CSMD1: variants seen among roughly 807,000 people sequenced by gnomAD.
CSMD1 encodes the protein CUB and Sushi multiple domains 1.
A neutral mutation model predicts 417.5 loss-of-function variants in CSMD1; 213 were observed. The observed-to-expected ratio is 0.51, with a 90% CI of 0.46 to 0.57. The LOEUF (loss-of-function observed/expected upper bound fraction) is 0.57, where lower values mean the gene tolerates loss of function less well. Among genes scored for constraint, CSMD1 ranks in the 20% least tolerant of loss-of-function variants. The pLI, the probability that CSMD1 is intolerant of heterozygous loss-of-function variation, is 0.00. For missense variants in CSMD1, 6,923 were observed against 4,529.7 expected (o/e 1.53, Z -15.17); for synonymous variants, 2,862 against 1,736.8 (o/e 1.65, Z -16.11).
intron 3 of CSMD1, among the ~76,000 whole-genome samples, chr8:4,088,373 T>C (rs1031085133): frequency 1.3e-5 from 2 of 152,232 alleles, no homozygotes; most frequent in African/African-American, 2.4e-5. Context: ...GTCTTACTTT[T>C]GCGGGAAAGA....
chr8:3,828,777 C>A lies in CSMD1; in HGVS notation c.819-74735G>T, dbSNP rs145071215. ...CATCAGTGAGGTCCTGTCACTTCCT[C>A]CCAAGCATCCTTCCACTGCACCTCA... On this transcript the variant is annotated intron_variant, in intron 5 of 69. Coordinates refer to ENST00000635120, the MANE Select transcript of CSMD1 (RefSeq NM_033225.6). Among the ~76,000 whole-genome samples the A allele has an allele frequency of 4.8e-4, 73 of 152,242 alleles. No homozygotes were observed. The East Asian group carries it at 0.014, about 29-fold the overall frequency.
chr8:3,851,786 C>A (rs1244774451), intron 5 of CSMD1, among the ~76,000 whole-genome samples: 2 of 152,092 alleles, frequency 1.3e-5, no homozygotes, highest in Admixed American at 1.3e-4. Flanking sequence ...GACCACAAGT[C>A]AGGTGTGAGT....
chr8:3,660,908 C>G (rs73661612), intron 7 of CSMD1, among the ~76,000 whole-genome samples: 3 of 152,090 alleles, frequency 2.0e-5, no homozygotes, highest in Non-Finnish European at 2.9e-5. Context: ...CACAGCTGCT[C>G]CCAATTCATA....
At chr8:4,886,996 AT>A (rs1803789866) in intron 1 of CSMD1, among the ~76,000 whole-genome samples, 2 of 151,912 alleles carry the variant, frequency 1.3e-5, no homozygotes, top group African/African-American at 4.8e-5. Context: ...CAACTCTTAT[AT>A]ATTTCCTTCC....
chr8:3,590,754 C>A (rs1424344704), intron 8 of CSMD1, among the ~76,000 whole-genome samples: 1 of 152,138 alleles, frequency 6.6e-6, no homozygotes, highest in Non-Finnish European at 1.5e-5. Context: ...TCCAGCAGCA[C>A]AGCCGAGGAG....
chr8:3,436,435 C>T (rs1044881116), intron 12 of CSMD1, among the ~76,000 whole-genome samples: 1 of 152,118 alleles, frequency 6.6e-6, no homozygotes, highest in Non-Finnish European at 1.5e-5. Flanking sequence ...CCAGTTGCTA[C>T]TTACGTAATC....
chr8:3,856,558 A>C (rs1804327144), intron 5 of CSMD1, among the ~76,000 whole-genome samples: 1 of 152,188 alleles, frequency 6.6e-6, no homozygotes, highest in Non-Finnish European at 1.5e-5. Flanking sequence ...ATCATGCGGC[A>C]CTGGGGCCTG....
chr8:4,213,537 C>G (rs1373593682), intron 3 of CSMD1, among the ~76,000 whole-genome samples: 2 of 152,340 alleles, frequency 1.3e-5, no homozygotes, highest in East Asian at 3.9e-4. Context: ...AAATGACAGA[C>G]ACACAACGTC....
At chr8:4,445,584 G>A (rs1032777494) in intron 2 of CSMD1, among the ~76,000 whole-genome samples, 1 of 152,124 alleles carries the variant, frequency 6.6e-6, no homozygotes, top group African/African-American at 2.4e-5. Context: ...TAATACGCTG[G>A]TGTTTAAGAA....
At chr8:4,673,410 C>G (rs938039336) in intron 1 of CSMD1, among the ~76,000 whole-genome samples, 71 of 152,110 alleles carry the variant, frequency 4.7e-4, no homozygotes, top group African/African-American at 1.6e-3. Context: ...AAGGATTATC[C>G]TCCTTTCCAA....
At chr8:3,845,049 C>A (rs568500554) in intron 5 of CSMD1, among the ~76,000 whole-genome samples, 3 of 152,196 alleles carry the variant, frequency 2.0e-5, no homozygotes, top group Admixed American at 6.5e-5. Flanking sequence ...ATAAAGGTCT[C>A]CTGTGATTAG....
At chr8:3,793,607 C>G (rs144837806) in intron 5 of CSMD1, among the ~76,000 whole-genome samples, 20 of 152,200 alleles carry the variant, frequency 1.3e-4, no homozygotes, top group Middle Eastern at 6.8e-3. Context: ...TTGCAGTAAA[C>G]CTTCCCAAAT....
intron 3 of CSMD1, among the ~76,000 whole-genome samples, chr8:4,307,179 A>T (rs1166574026): frequency 1.3e-5 from 2 of 152,080 alleles, no homozygotes; most frequent in East Asian, 1.9e-4. Flanking sequence ...GGCTCCATTT[A>T]ATACTGTATC....
intron 1 of CSMD1, among the ~76,000 whole-genome samples, chr8:4,915,085 G>A (rs975049097): frequency 7.9e-5 from 12 of 152,176 alleles, no homozygotes; most frequent in African/African-American, 2.2e-4. Context: ...TTTCTCAGAT[G>A]TAATATGGTC....
intron 3 of CSMD1, among the ~76,000 whole-genome samples, chr8:4,168,772 T>A (rs1022069402): frequency 1.3e-5 from 2 of 152,170 alleles, no homozygotes; most frequent in Non-Finnish European, 2.9e-5. Flanking sequence ...TTCTTTTCCT[T>A]ACAATAAAAC....
At chr8:4,352,204 C>A (rs939231293) in intron 3 of CSMD1, among the ~76,000 whole-genome samples, 1 of 152,122 alleles carries the variant, frequency 6.6e-6, no homozygotes, top group African/African-American at 2.4e-5. Flanking sequence ...AATAAGCAAG[C>A]CCCACTTAGA....
intron 1 of CSMD1, among the ~76,000 whole-genome samples, chr8:4,852,761 A>C (rs1193141125): frequency 6.6e-6 from 1 of 152,040 alleles, no homozygotes; most frequent in African/African-American, 2.4e-5. Flanking sequence ...GCTGATAGAA[A>C]TGTGGACAGT....
At chr8:3,035,173 G>C (rs532225683) in intron 50 of CSMD1, among the ~76,000 whole-genome samples, 20 of 152,064 alleles carry the variant, frequency 1.3e-4, no homozygotes, top group South Asian at 4.2e-4. Flanking sequence ...TAAGATACAG[G>C]GCTGTTCCCT....
At position 4,040,715 on chromosome 8, in the gene CSMD1, T is replaced by C. The variant is rs554755739; in HGVS notation, c.416-8616A>G. On this transcript the variant is annotated intron_variant, in intron 3 of 69. Coordinates refer to ENST00000635120, the MANE Select transcript of CSMD1 (RefSeq NM_033225.6). ...CAAATTCATATAATAGCAAAAACAC[T>C]GCAGGAGAGACTGCAGCAAAGTCAA... Among the ~76,000 whole-genome samples the C allele has an allele frequency of 2.2e-4, 33 of 152,270 alleles. No homozygotes were observed. The South Asian group carries it at 6.2e-3, about 29-fold the overall frequency.
Sources: allele counts gnomAD v4.1 joint callset (sites outside exome capture counted in the v4.1 genomes callset), GRCh38; gene constraint gnomAD v4.1.1; transcripts MANE v1.5; gene names NCBI Gene and HGNC (gene_info 2026-07-23, HGNC 2026-07-21).